The following OSBP2 variants were observed in gnomAD, a reference collection of about 807,000 sequenced individuals.
OSBP2 encodes oxysterol-binding protein 2.
In OSBP2, 66 loss-of-function variants were observed where a neutral mutation model predicts 96.0. The observed-to-expected ratio is 0.69, with a 90% CI of 0.56 to 0.84. The LOEUF (loss-of-function observed/expected upper bound fraction) is 0.84. Ranked by LOEUF, OSBP2 falls within the 40% of genes least tolerant of loss-of-function variation. OSBP2 has a pLI of 0.00. For synonymous variants in OSBP2, 525 were observed against 520.9 expected, an observed-to-expected ratio of 1.01 and a Z score of -0.11; for missense variants, 1,038 against 1,222.7, an observed-to-expected ratio of 0.85 and a Z score of 2.25.
At chr22:30,803,101 G>A (rs1024243535) in intron 2 of OSBP2, 6 of 208,802 alleles carry the variant, frequency 2.9e-5, no homozygotes, top group Non-Finnish European at 3.8e-5. Context: ...CGGCGGCGGC[G>A]GCAGCAGCAG....
At chr22:30,823,155 A>G (rs1351163009) in intron 2 of OSBP2, among the ~76,000 whole-genome samples, 1 of 152,034 alleles carries the variant, frequency 6.6e-6, no homozygotes, top group Non-Finnish European at 1.5e-5. Context: ...GGCTTTGCTC[A>G]GTGTGTGATT....
intron 2 of OSBP2, among the ~76,000 whole-genome samples, chr22:30,859,311 C>T (rs566638669): frequency 2.6e-5 from 4 of 152,200 alleles, no homozygotes; most frequent in African/African-American, 7.2e-5. Flanking sequence ...CAAATACTCA[C>T]CTTAGAACAA....
At chr22:30,765,644 A>C (rs1490810282) in intron 2 of OSBP2, among the ~76,000 whole-genome samples, 9 of 151,952 alleles carry the variant, frequency 5.9e-5, no homozygotes, top group Admixed American at 5.9e-4. Flanking sequence ...CCCATCTCCA[A>C]ATTCCATGTT....
intron 2 of OSBP2, among the ~76,000 whole-genome samples, chr22:30,775,891 G>C (rs892701461): frequency 1.3e-5 from 2 of 151,456 alleles, no homozygotes; most frequent in African/African-American, 4.8e-5. Flanking sequence ...CTGCCTCCCA[G>C]GTTCAAGTGA....
chr22:30,900,963 A>G (rs1319681878), intron 12 of OSBP2, among the ~76,000 whole-genome samples: 1 of 152,260 alleles, frequency 6.6e-6, no homozygotes, highest in South Asian at 2.1e-4. Context: ...TGCATAAACA[A>G]ACTTGGAGAA....
intron 12 of OSBP2, among the ~76,000 whole-genome samples, chr22:30,896,020 T>G (rs949772381): frequency 3.3e-5 from 5 of 151,714 alleles, no homozygotes; most frequent in Non-Finnish European, 7.4e-5. Context: ...TGTTTGTTTT[T>G]TTGTTGTTGT....
At chr22:30,757,184 C>G (rs1320835111) in intron 2 of OSBP2, among the ~76,000 whole-genome samples, 1 of 152,168 alleles carries the variant, frequency 6.6e-6, no homozygotes, top group Non-Finnish European at 1.5e-5. Context: ...TATATTTTCA[C>G]TGCTGCCTCC....
chr22:30,829,918 G>A (rs556461303), intron 2 of OSBP2, among the ~76,000 whole-genome samples: 10 of 152,310 alleles, frequency 6.6e-5, no homozygotes, highest in Admixed American at 2.6e-4. Flanking sequence ...CAGGTGACCC[G>A]ACGGGGGCCA....
At chr22:30,809,190 G>A (rs1392984936) in intron 2 of OSBP2, among the ~76,000 whole-genome samples, 5 of 152,174 alleles carry the variant, frequency 3.3e-5, no homozygotes, top group South Asian at 4.1e-4. Flanking sequence ...CCTCCAGAAC[G>A]GCAAGCAGAT....
At chr22:30,762,386 A>C (rs1485824371) in intron 2 of OSBP2, among the ~76,000 whole-genome samples, 1 of 151,710 alleles carries the variant, frequency 6.6e-6, no homozygotes, top group Non-Finnish European at 1.5e-5. Flanking sequence ...GTCTCCACTG[A>C]AAATACAAAA....
chr22:30,893,832 A>C lies in OSBP2; in HGVS notation c.2206A>C (p.Ser736Arg). Residue 736 changes from serine (S) to arginine (R), a missense_variant, in exon 12 of 14, where the codon AGT (serine) becomes CGT (arginine). Physicochemically the swap from Ser to Arg is moderately radical, Grantham distance 110. Coordinates refer to ENST00000332585, the MANE Select transcript of OSBP2 (RefSeq NM_030758.4). Reference protein sequence around the residue: ...EAARKVTGVVSDSQGKAHYVL... With the variant: ...EAARKVTGVVRDSQGKAHYVL... ...ATGTCCACAGGTGACAGGAGTGGTG[A>C]GTGACAGCCAGGGCAAGGCCCATTA... 6.3e-7 allele frequency: 1 copy of C among 1,591,528 alleles called. No homozygotes were observed. Among genetic ancestry groups the C allele is most frequent in the Non-Finnish European group, 8.6e-7 (1 of 1,168,802 alleles).
At chr22:30,838,655 TGA>T (rs373483218) in intron 2 of OSBP2, among the ~76,000 whole-genome samples, 1 of 152,192 alleles carries the variant, frequency 6.6e-6, no homozygotes, top group African/African-American at 2.4e-5. Context: ...CCTAGTTTTC[TGA>T]GAGATTTTAT....
rs939088706 is a variant in OSBP2 at position 30,892,254 on chromosome 22, G to A, written c.1870-868G>A. On this transcript the variant is annotated intron_variant, in intron 8 of 13. Transcript: ENST00000332585. ...GTGTGAGCAGCTGGAAGGGCAGGAT[G>A]CTGAGGTATAGGCGAGGAGGAGGCA... Among the ~76,000 whole-genome samples the A allele has an allele frequency of 5.3e-5, 8 of 152,288 alleles. No individual in the cohort carries two copies. In the South Asian group the frequency reaches 1.7e-3, roughly 32 times the overall value.
At chr22:30,715,369 T>TC (rs1055479664) in intron 1 of OSBP2, among the ~76,000 whole-genome samples, 14 of 21,108 alleles carry the variant, frequency 6.6e-4, no homozygotes, top group African/African-American at 1.1e-3. Context: ...TCTCTCTCTC[T>TC]TTTTTTTTTT....
Position 30,695,074 on chromosome 22 carries a change from G to T in OSBP2, c.165G>T (p.Gln55His). Residue 55 changes from glutamine (Q) to histidine (H), a missense_variant, in exon 1 of 14, where the codon CAG becomes CAT. Physicochemically the swap from Gln to His is conservative, Grantham distance 24. Around this residue, in one of 3 missense-constraint regions of OSBP2, gnomAD observed 281 missense variants for 273.4 expected, o/e 1.03. Transcript: ENST00000332585. ...GSGPEPKPQP[Q>H]PVPEPERGPL... ...GGCCGGAGCCCAAGCCCCAGCCCCA[G>T]CCCGTGCCCGAACCGGAGCGGGGAC... The T allele has an allele frequency of 6.3e-7, 1 of 1,582,768 alleles. No individual in the cohort carries two copies. The highest frequency in any genetic ancestry group is 8.6e-7 in the Non-Finnish European group (1 of 1,165,144).
At chr22:30,753,344 C>A (rs2090101235) in intron 2 of OSBP2, among the ~76,000 whole-genome samples, 1 of 151,968 alleles carries the variant, frequency 6.6e-6, no homozygotes. Context: ...GAAGAGGACT[C>A]CAGGTGGTGG....
At chr22:30,850,328 G>A (rs1049042302) in intron 2 of OSBP2, among the ~76,000 whole-genome samples, 5 of 149,498 alleles carry the variant, frequency 3.3e-5, no homozygotes, top group East Asian at 2.0e-4. Flanking sequence ...AAAAAATTCA[G>A]TTGATCACAT....
intron 2 of OSBP2, among the ~76,000 whole-genome samples, chr22:30,833,362 G>A (rs1472136344): frequency 6.6e-6 from 1 of 152,134 alleles, no homozygotes; most frequent in Non-Finnish European, 1.5e-5. Flanking sequence ...GGAAAAAAAA[G>A]CATCTAAAAG....
At chr22:30,821,400 A>T (rs1016728076) in intron 2 of OSBP2, among the ~76,000 whole-genome samples, 15 of 152,174 alleles carry the variant, frequency 9.9e-5, no homozygotes, top group African/African-American at 3.1e-4. Flanking sequence ...AGGTGGTGAG[A>T]GTCAAGGGAT....
Sources: allele counts gnomAD v4.1 joint callset (sites outside exome capture counted in the v4.1 genomes callset), GRCh38; gene constraint gnomAD v4.1.1; regional missense constraint gnomAD v4.1.1; transcripts MANE v1.5; gene names NCBI Gene and HGNC (gene_info 2026-07-23, HGNC 2026-07-21).